Variants in SPATA17 observed in about 807,000 individuals in gnomAD.
The protein encoded by SPATA17 is spermatogenesis-associated protein 17.
Under a neutral mutation model 62.2 loss-of-function variants are expected in SPATA17, and 53 were observed. The ratio of observed to expected loss-of-function variants is 0.85; its 90% CI spans 0.68 to 1.07. SPATA17 has a LOEUF of 1.07. Among genes scored for constraint, SPATA17 ranks in the 50% least tolerant of loss-of-function variants. SPATA17 has a pLI of 0.00. For synonymous variants in SPATA17, 146 were observed against 146.8 expected (o/e 0.99, Z 0.04); for missense variants, 466 against 425.5 (o/e 1.10, Z -0.84).
intron 5 of SPATA17, among the ~76,000 whole-genome samples, chr1:217,693,609 G>A (rs1671391079): frequency 1.0e-5 from 1 of 98,578 alleles, no homozygotes; most frequent in East Asian, 2.7e-4. Flanking sequence ...GATCTTTCCT[G>A]CTTTCTCTTG....
chr1:217,800,675 C>T (rs996068907), intron 8 of SPATA17, among the ~76,000 whole-genome samples: 4 of 152,074 alleles, frequency 2.6e-5, no homozygotes, highest in Non-Finnish European at 4.4e-5. Context: ...GGACAAATTG[C>T]CCTGTTTCTC....
At chr1:217,828,319 CT>C (rs1418957775) in intron 9 of SPATA17, among the ~76,000 whole-genome samples, 2 of 151,804 alleles carry the variant, frequency 1.3e-5, no homozygotes, top group African/African-American at 4.8e-5. Flanking sequence ...CAAGAGGACA[CT>C]GTGGGGAACT....
intron 9 of SPATA17, among the ~76,000 whole-genome samples, chr1:217,862,048 T>C (rs1467503453): frequency 6.6e-6 from 1 of 151,928 alleles, no homozygotes; most frequent in Non-Finnish European, 1.5e-5. Context: ...GCATAGGTCT[T>C]TTCTCCTATG....
At chr1:217,863,967 T>G (rs533168171) in intron 10 of SPATA17, among the ~76,000 whole-genome samples, 1 of 152,300 alleles carries the variant, frequency 6.6e-6, no homozygotes, top group South Asian at 2.1e-4. Context: ...TTCCTTCGAT[T>G]TTATGTTACT....
intron 9 of SPATA17, among the ~76,000 whole-genome samples, chr1:217,804,024 A>G (rs1054780911): frequency 6.8e-6 from 1 of 146,866 alleles, no homozygotes; most frequent in Non-Finnish European, 1.5e-5. Flanking sequence ...TCAAAAGAGG[A>G]AAAAAAAAAA....
chr1:217,836,415 A>G (rs900153440), intron 9 of SPATA17, among the ~76,000 whole-genome samples: 3 of 152,280 alleles, frequency 2.0e-5, no homozygotes, highest in African/African-American at 4.8e-5. Flanking sequence ...TTTGTCTGTC[A>G]TGATGCCAGT....
In SPATA17 at chr1:217,725,754, C is replaced by T. The variant is rs374078648; in HGVS notation, c.396-16221C>T. Among the ~76,000 whole-genome samples, 12 of 152,104 alleles carry T rather than the reference C, an allele frequency of 7.9e-5. 1 individual carries two copies. Among genetic ancestry groups the T allele is most frequent in the Non-Finnish European group, 1.2e-4 (8 of 68,020 alleles). ...CTAGGATTATAGGTGTGAGCCACTA[C>T]GCCCAGCCCCAGATTATGTTTTTAA... On this transcript the variant is annotated intron_variant, in intron 5 of 10. Coordinates refer to ENST00000366933, the MANE Select transcript of SPATA17 (RefSeq NM_138796.4).
intron 5 of SPATA17, among the ~76,000 whole-genome samples, chr1:217,709,831 T>A (rs947652629): frequency 1.3e-5 from 2 of 152,222 alleles, no homozygotes; most frequent in Non-Finnish European, 2.9e-5. Flanking sequence ...TATTTTTATG[T>A]CAGGTCTTTT....
At position 217,631,352 on chromosome 1, in the gene SPATA17, C is replaced by T. The variant is rs1441986935; in HGVS notation, c.-27C>T. ...TTACCATGGAGACCGGTAGTAACAC[C>T]AGTTGTAAACCCAAGGCCAAGAGAC... is the stretch of plus-strand genomic sequence containing the variant. On this transcript the variant is annotated 5_prime_UTR_variant, in exon 1 of 11. Transcript: ENST00000366933. The T allele has an allele frequency of 6.2e-7, 1 of 1,613,648 alleles. No homozygotes were observed. The highest frequency in any genetic ancestry group is 1.3e-5 in the African/African-American group (1 of 74,880).
chr1:217,736,082 GACATTAGACAAAATCAAGAA>G (rs1373751543), intron 5 of SPATA17, among the ~76,000 whole-genome samples: 4 of 151,792 alleles, frequency 2.6e-5, no homozygotes, highest in African/African-American at 9.7e-5. Context: ...CTTTGGTACA[GACATTAGACAAAATCAAGAA>G]ACAGTTTAAA....
chr1:217,730,005 C>A (rs1428598694), intron 5 of SPATA17, among the ~76,000 whole-genome samples: 1 of 152,052 alleles, frequency 6.6e-6, no homozygotes. Context: ...GACATGGGGA[C>A]CACAGTAAAG....
At chr1:217,646,833 G>T (rs1233844075) in intron 1 of SPATA17, among the ~76,000 whole-genome samples, 1 of 152,116 alleles carries the variant, frequency 6.6e-6, no homozygotes, top group Non-Finnish European at 1.5e-5. Context: ...GGCGGAGATT[G>T]CAGTGAGCCG....
chr1:217,652,753 T>C (rs1307888457), intron 3 of SPATA17, among the ~76,000 whole-genome samples: 1 of 152,194 alleles, frequency 6.6e-6, no homozygotes, highest in Non-Finnish European at 1.5e-5. Context: ...TCTCTGAGTC[T>C]TCTACCTACC....
At chr1:217,825,812 A>T (rs1480064601) in intron 9 of SPATA17, among the ~76,000 whole-genome samples, 2 of 152,080 alleles carry the variant, frequency 1.3e-5, no homozygotes, top group African/African-American at 4.8e-5. Flanking sequence ...TAATAATTGA[A>T]CTAACATTTC....
chr1:217,718,304 A>C (rs1313035280), intron 5 of SPATA17, among the ~76,000 whole-genome samples: 4 of 152,242 alleles, frequency 2.6e-5, no homozygotes, highest in Admixed American at 2.6e-4. Context: ...TTGCGGGAGC[A>C]GGAGGAAAAA....
In SPATA17 at chr1:217,658,523, T is replaced by A. The variant is rs141514086; in HGVS notation, c.240+7345T>A. Reference sequence around the variant, plus strand: ...CCTGTAATCCCAGGACTTTGGGAGGTCAAGGCGGGCAGATCACGAGGTCAG... The same window carrying A: ...CCTGTAATCCCAGGACTTTGGGAGGACAAGGCGGGCAGATCACGAGGTCAG... On this transcript the variant is annotated intron_variant, in intron 3 of 10. Coordinates refer to ENST00000366933, the MANE Select transcript of SPATA17 (RefSeq NM_138796.4). Among the ~76,000 whole-genome samples the A allele has an allele frequency of 3.6e-3, 542 of 151,220 alleles. 8 individuals carry two copies. The highest frequency in any genetic ancestry group is 3.5e-3 in the Non-Finnish European group (235 of 67,802).
intron 3 of SPATA17, among the ~76,000 whole-genome samples, chr1:217,665,009 G>T (rs1442514462): frequency 6.6e-6 from 1 of 152,092 alleles, no homozygotes; most frequent in Non-Finnish European, 1.5e-5. Flanking sequence ...GCAGTAATTT[G>T]ATCAGATTGA....
Position 217,677,240 on chromosome 1 carries a change from G to A in SPATA17, c.292-6018G>A, listed in dbSNP as rs868782922. On this transcript the variant is annotated intron_variant, in intron 4 of 10. Transcript: ENST00000366933. Reference sequence around the variant, plus strand: ...TAATTTATAAAAATTAATCTAACTTGATATATCAAGTAACCATTTTCTTTT... The same window carrying A: ...TAATTTATAAAAATTAATCTAACTTAATATATCAAGTAACCATTTTCTTTT... 3.3e-5 allele frequency among the ~76,000 whole-genome samples: 5 copies of A among 151,970 alleles called. No homozygotes were observed. The Middle Eastern group carries it at 0.014, about 414-fold the overall frequency.
intron 8 of SPATA17, among the ~76,000 whole-genome samples, chr1:217,794,162 G>A (rs1674077425): frequency 6.6e-6 from 1 of 151,352 alleles, no homozygotes; most frequent in African/African-American, 2.4e-5. Context: ...AAACTAAAAA[G>A]GATATCTAGG....
Sources: allele counts gnomAD v4.1 joint callset (sites outside exome capture counted in the v4.1 genomes callset), GRCh38; gene constraint gnomAD v4.1.1; transcripts MANE v1.5; gene names NCBI Gene and HGNC (gene_info 2026-07-23, HGNC 2026-07-21).